Variants in DECR1 observed in about 807,000 individuals in gnomAD.
DECR1 encodes 2,4-dienoyl-CoA reductase [(3E)-enoyl-CoA-producing], mitochondrial.
Under a neutral mutation model 38.8 loss-of-function variants are expected in DECR1, and 44 were observed. The ratio of observed to expected loss-of-function variants is 1.13; its 90% CI spans 0.89 to 1.46. The LOEUF is 1.46. Ranked by LOEUF, DECR1 falls within the 40% of genes most tolerant of loss-of-function variation. The pLI, the probability that DECR1 is intolerant of heterozygous loss-of-function variation, is 0.00. For synonymous variants in DECR1, 148 were observed against 135.2 expected (o/e 1.09, Z -0.66); for missense variants, 428 against 405.5 (o/e 1.06, Z -0.48).
chr8:90,025,462 A>G (rs1439869192), intron 5 of DECR1, among the ~76,000 whole-genome samples: 3 of 151,950 alleles, frequency 2.0e-5, no homozygotes, highest in African/African-American at 7.2e-5. Flanking sequence ...GGATTCCTAC[A>G]TATTTTATTT....
chr8:90,002,681 G>T (rs1812646033), intron 1 of DECR1, among the ~76,000 whole-genome samples: 1 of 152,208 alleles, frequency 6.6e-6, no homozygotes, highest in African/African-American at 2.4e-5. Context: ...GGCAGCAGTA[G>T]TTCCAAATAG....
Position 90,005,585 on chromosome 8 carries a change from A to C in DECR1, c.69+4024A>C. ...GAGGAGGGCAGAACATTGTCCTCTG[A>C]AGGCAGCTGGCTCCCAAAAGGAAGA... On this transcript the variant is annotated intron_variant, in intron 1 of 9. Coordinates refer to ENST00000220764, the MANE Select transcript of DECR1 (RefSeq NM_001359.2). 3 of 376,948 alleles carry C rather than the reference A, an allele frequency of 8.0e-6. No individual in the cohort carries two copies. The East Asian group carries it at 2.1e-4, about 27-fold the overall frequency. The allele number at this position is 376,948 out of a possible 1,614,324, so 23.4% of individuals were successfully genotyped here.
chr8:90,030,141 A>G (rs1039642994), intron 5 of DECR1, among the ~76,000 whole-genome samples: 2 of 152,062 alleles, frequency 1.3e-5, no homozygotes, highest in African/African-American at 4.8e-5. Flanking sequence ...GTAGTTTGCA[A>G]TAGGGTTTGC....
At chr8:90,040,302 T>A (rs1318213602) in intron 6 of DECR1, among the ~76,000 whole-genome samples, 1 of 152,210 alleles carries the variant, frequency 6.6e-6, no homozygotes, top group African/African-American at 2.4e-5. Context: ...ATGTTCTGTC[T>A]GAAAGAGATA....
In DECR1 at chr8:90,017,302, G is replaced by A; in HGVS notation, c.248G>A (p.Gly83Asp). 1 of 1,614,160 alleles carries A rather than the reference G, an allele frequency of 6.2e-7. No individual in the cohort carries two copies. The highest frequency in any genetic ancestry group is 8.5e-7 in the Non-Finnish European group (1 of 1,180,030). Residue 83 changes from glycine (G) to aspartate (D), a missense_variant, in exon 2 of 10, where the codon GGT becomes GAT. Coordinates refer to ENST00000220764, the MANE Select transcript of DECR1 (RefSeq NM_001359.2). ...ATGACAACTCTTCTGTCCAGCCTAG[G>A]TGCTCAGTGCGTGATAGCCAGCCGG... ...KGMTTLLSSL[G>D]AQCVIASRKM...
At chr8:90,051,050 G>A (rs1814073101) in intron 8 of DECR1, among the ~76,000 whole-genome samples, 1 of 152,040 alleles carries the variant, frequency 6.6e-6, no homozygotes, top group Admixed American at 6.6e-5. Flanking sequence ...GGGAGGGATA[G>A]TATTAGCAGA....
At chr8:90,001,694 C>G in intron 1 of DECR1, 133 bp downstream of exon 1, 1 of 757,182 alleles carries the variant, frequency 1.3e-6, no homozygotes, top group Non-Finnish European at 2.1e-6. Flanking sequence ...CAGGGCGTCC[C>G]GGGGGTTCGG....
intron 4 of DECR1, 62 bp downstream of exon 4, chr8:90,019,234 A>G (rs2130054698): frequency 2.3e-6 from 3 of 1,318,380 alleles, no homozygotes; most frequent in Non-Finnish European, 3.3e-6. Flanking sequence ...ACCCACCAAC[A>G]TGTACAAAGG....
chr8:90,031,311 A>T (rs1813487618), intron 5 of DECR1, among the ~76,000 whole-genome samples: 1 of 152,158 alleles, frequency 6.6e-6, no homozygotes, highest in African/African-American at 2.4e-5. Flanking sequence ...TAGTTATGAA[A>T]GAAAATGTTA....
intron 4 of DECR1, 107 bp downstream of exon 4, chr8:90,019,279 G>A: frequency 1.1e-6 from 1 of 903,236 alleles, no homozygotes; most frequent in Non-Finnish European, 1.7e-6. Context: ...GGACAGGCAA[G>A]CCCGAATCTG....
At chr8:90,049,946 A>C (rs1048233430) in intron 8 of DECR1, among the ~76,000 whole-genome samples, 1 of 152,236 alleles carries the variant, frequency 6.6e-6, no homozygotes, top group African/African-American at 2.4e-5. Context: ...CTGTTTAATA[A>C]ATGGTGCTGG....
chr8:90,005,582 C>G (rs1414773200), intron 1 of DECR1: 5 of 376,844 alleles, frequency 1.3e-5, no homozygotes, highest in African/African-American at 1.1e-4. Flanking sequence ...ACATTGTCCT[C>G]TGAAGGCAGC....
intron 5 of DECR1, among the ~76,000 whole-genome samples, chr8:90,021,623 T>C (rs1813167324): frequency 2.6e-5 from 4 of 152,164 alleles, no homozygotes; most frequent in Non-Finnish European, 5.9e-5. Context: ...ATTGGAAAGG[T>C]TAGTGACAAC....
intron 1 of DECR1, among the ~76,000 whole-genome samples, chr8:90,009,201 C>T (rs1366444586): frequency 6.6e-6 from 1 of 152,192 alleles, no homozygotes; most frequent in Non-Finnish European, 1.5e-5. Context: ...TCCAGCCACA[C>T]TGGCTTCCTG....
At chr8:90,018,828 T>G in intron 2 of DECR1, 81 bp from the exon 3 acceptor site, 1 of 1,079,428 alleles carries the variant, frequency 9.3e-7, no homozygotes. Flanking sequence ...ATGCTTTTCT[T>G]TAAGCTATGG....
chr8:90,009,443 A>C (rs1812829106), intron 1 of DECR1, among the ~76,000 whole-genome samples: 1 of 151,790 alleles, frequency 6.6e-6, no homozygotes, highest in Non-Finnish European at 1.5e-5. Flanking sequence ...TATTTAACTT[A>C]ATTTCTTTAT....
chr8:90,024,005 A>G (rs1199071910), intron 5 of DECR1, among the ~76,000 whole-genome samples: 1 of 152,104 alleles, frequency 6.6e-6, no homozygotes, highest in African/African-American at 2.4e-5. Flanking sequence ...GCTCAGAATG[A>G]TGGTTTCCAG....
Position 90,020,947 on chromosome 8 carries a change from T to C in DECR1, c.456T>C (p.Pro152=), listed in dbSNP as rs1200455655. The change falls in exon 5 of 10, where the codon CCT becomes CCC. Residue 152 remains proline, a synonymous_variant. Coordinates refer to ENST00000220764, the MANE Select transcript of DECR1 (RefSeq NM_001359.2). ...INNAAGNFIS[P]TERLSPNAWK... is the part of the protein sequence containing the mutation. ...ATGCAGCAGGGAATTTTATTTCTCC[T>C]ACTGAAAGACTTTCTCCTAATGCTT... is the stretch of plus-strand genomic sequence containing the variant. 1 of 1,587,316 alleles carries C rather than the reference T, an allele frequency of 6.3e-7. No homozygotes were observed. Among genetic ancestry groups the C allele is most frequent in the Non-Finnish European group, 8.5e-7 (1 of 1,169,852 alleles).
intron 8 of DECR1, among the ~76,000 whole-genome samples, chr8:90,046,162 A>G (rs1485499407): frequency 1.3e-5 from 2 of 152,256 alleles, no homozygotes; most frequent in Non-Finnish European, 2.9e-5. Context: ...CTCGCCAGCA[A>G]CGGAACAAAG....
Sources: gnomAD v4.1 joint callset for allele counts (sites outside exome capture counted in the v4.1 genomes callset) on GRCh38, gnomAD v4.1.1 for gene constraint, MANE v1.5 for transcripts, NCBI Gene and HGNC (gene_info 2026-07-23, HGNC 2026-07-21) for gene names.